Variants in FER observed in about 807,000 individuals in gnomAD.
FER encodes the protein tyrosine-protein kinase Fer.
FER carries 63 observed loss-of-function variants against 111.0 expected under a neutral mutation model. The ratio of observed to expected loss-of-function variants is 0.57; its 90% CI spans 0.46 to 0.70. FER has a LOEUF of 0.70. Ranked by LOEUF, FER falls within the 30% of genes least tolerant of loss-of-function variation. The pLI, the probability that FER is intolerant of heterozygous loss-of-function variation, is 0.00. For missense variants in FER, 914 were observed against 954.0 expected (o/e 0.96, Z 0.55); for synonymous variants, 327 against 313.9 (o/e 1.04, Z -0.44).
At chr5:109,038,959 A>T (rs1418503719) in intron 14 of FER, among the ~76,000 whole-genome samples, 5 of 152,080 alleles carry the variant, frequency 3.3e-5, no homozygotes, top group Admixed American at 6.6e-5. Flanking sequence ...CTCAACGACA[A>T]GTAATATGTC....
intron 2 of FER, among the ~76,000 whole-genome samples, chr5:108,772,436 C>G (rs1753029041): frequency 6.6e-6 from 1 of 150,410 alleles, no homozygotes; most frequent in Non-Finnish European, 1.5e-5. Context: ...TATTTTCAAA[C>G]AGCTGCTTGC....
intron 10 of FER, among the ~76,000 whole-genome samples, chr5:108,908,238 A>G (rs1751055807): frequency 6.6e-6 from 1 of 152,212 alleles, no homozygotes; most frequent in African/African-American, 2.4e-5. Context: ...AAAAAGGAAT[A>G]AAAGATATTT....
At chr5:108,943,922 T>C (rs1295224930) in intron 10 of FER, among the ~76,000 whole-genome samples, 1 of 151,900 alleles carries the variant, frequency 6.6e-6, no homozygotes, top group Non-Finnish European at 1.5e-5. Flanking sequence ...TTTGTAGAGA[T>C]GGGGTCTCAC....
chr5:109,137,180 C>T (rs148591964), intron 17 of FER, among the ~76,000 whole-genome samples: 1 of 152,242 alleles, frequency 6.6e-6, no homozygotes, highest in African/African-American at 2.4e-5. Context: ...AACATCCAAC[C>T]TAGGGTAAGT....
chr5:108,863,373 G>A (rs574119380), intron 5 of FER, among the ~76,000 whole-genome samples: 4 of 152,200 alleles, frequency 2.6e-5, no homozygotes, highest in African/African-American at 9.6e-5. Flanking sequence ...CGCCCGCCTC[G>A]GCCTCTGAAA....
intron 17 of FER, among the ~76,000 whole-genome samples, chr5:109,162,706 A>G (rs534589136): frequency 2.0e-5 from 3 of 152,312 alleles, no homozygotes; most frequent in Admixed American, 2.0e-4. Flanking sequence ...CCACAGTAAC[A>G]TGCCATCCCA....
At chr5:109,045,462 G>T (rs1009871769) in intron 15 of FER, among the ~76,000 whole-genome samples, 16 of 152,160 alleles carry the variant, frequency 1.1e-4, no homozygotes, top group Admixed American at 3.3e-4. Flanking sequence ...CTGTTGATAA[G>T]ATAATAAAGA....
Position 108,832,905 on chromosome 5 carries a change from A to G in FER, c.343A>G (p.Ile115Val), listed in dbSNP as rs759569028. ...CAAGCAGCAGGTGAAGAAAAGTTAC[A>G]TAGGTGTTCATCAGCAGATAGAGGC... ...KDKQQVKKSY[I>V]GVHQQIEAEM... Residue 115 changes from isoleucine (I) to valine (V), a missense_variant, in exon 4 of 20, where the codon ATA (isoleucine) becomes GTA (valine). This residue lies in a region of FER where 774 missense variants were observed against 782.6 expected (regional missense o/e 0.99). Coordinates refer to ENST00000281092, the MANE Select transcript of FER (RefSeq NM_005246.4). The G allele has an allele frequency of 6.2e-7, 1 of 1,603,998 alleles. No homozygotes were observed. The highest frequency in any genetic ancestry group is 8.5e-7 in the Non-Finnish European group (1 of 1,174,752).
At chr5:109,059,975 A>G (rs1206102610) in intron 16 of FER, among the ~76,000 whole-genome samples, 1 of 152,252 alleles carries the variant, frequency 6.6e-6, no homozygotes, top group Non-Finnish European at 1.5e-5. Flanking sequence ...ATATCCATAC[A>G]GTAAATAACT....
At chr5:109,009,043 T>TA (rs1765878976) in intron 13 of FER, among the ~76,000 whole-genome samples, 2 of 137,626 alleles carry the variant, frequency 1.5e-5, no homozygotes, top group Non-Finnish European at 3.2e-5. Flanking sequence ...TCCTCTTCAG[T>TA]CTTTTTTTTT....
At position 108,798,455 on chromosome 5, in the gene FER, C is replaced by T. The variant is rs182412883; in HGVS notation, c.207+66C>T. Reference sequence around the variant, plus strand: ...TAATTGTCCTTAAAATGCAATAGCTCAAACTATTGAATGAGCATACTTAAG... The same window carrying T: ...TAATTGTCCTTAAAATGCAATAGCTTAAACTATTGAATGAGCATACTTAAG... On this transcript the variant is annotated intron_variant, in intron 3 of 19. Coordinates refer to ENST00000281092, the MANE Select transcript of FER (RefSeq NM_005246.4). 83 of 1,211,526 alleles carry T rather than the reference C, an allele frequency of 6.9e-5. No homozygotes were observed. The African/African-American group carries it at 8.8e-4, about 13-fold the overall frequency. 75.0% of individuals were successfully genotyped at this position (1,211,526 alleles called of 1,614,324 possible).
At chr5:108,946,283 C>T in intron 11 of FER, 61 bp downstream of exon 11, 1 of 1,069,418 alleles carries the variant, frequency 9.4e-7, no homozygotes, top group Non-Finnish European at 1.4e-6. Flanking sequence ...CTTTCTGATG[C>T]ACTAATGAAT....
intron 9 of FER, among the ~76,000 whole-genome samples, chr5:108,893,140 T>G (rs1338077541): frequency 3.9e-5 from 6 of 152,180 alleles, no homozygotes; most frequent in Non-Finnish European, 8.8e-5. Context: ...AGGATTGACT[T>G]GGCGATGCAG....
chr5:109,121,150 G>A (rs952342726), intron 17 of FER, among the ~76,000 whole-genome samples: 1 of 152,034 alleles, frequency 6.6e-6, no homozygotes, highest in South Asian at 2.1e-4. Flanking sequence ...ACTAATGAAA[G>A]TGGGCATCCT....
At chr5:109,020,693 C>T (rs59216020) in intron 13 of FER, among the ~76,000 whole-genome samples, 1 of 151,866 alleles carries the variant, frequency 6.6e-6, no homozygotes, top group Non-Finnish European at 1.5e-5. Context: ...ACTTCGCGGC[C>T]GAGCTTTGCC....
intron 8 of FER, among the ~76,000 whole-genome samples, chr5:108,872,909 C>T (rs568118655): frequency 1.3e-5 from 2 of 152,090 alleles, no homozygotes; most frequent in Non-Finnish European, 2.9e-5. Context: ...TATGCCAGAA[C>T]CACAGCTATA....
rs778880098 is a variant in FER at position 108,906,491 on chromosome 5, T to C, written c.1236+8643T>C. Reference sequence around the variant, plus strand: ...TGTCATGTAATTAACTTACGACTTATGCATTACCTTTATAATAGCCCTTTT... The same window carrying C: ...TGTCATGTAATTAACTTACGACTTACGCATTACCTTTATAATAGCCCTTTT... On this transcript the variant is annotated intron_variant, in intron 10 of 19. Transcript: ENST00000281092. Among the ~76,000 whole-genome samples, 4 of 152,100 alleles carry C rather than the reference T, an allele frequency of 2.6e-5. No individual in the cohort carries two copies. In the South Asian group the frequency reaches 6.2e-4, roughly 24 times the overall value.
At chr5:109,103,288 C>T (rs921687441) in intron 17 of FER, among the ~76,000 whole-genome samples, 7 of 152,050 alleles carry the variant, frequency 4.6e-5, no homozygotes, top group African/African-American at 1.4e-4. Context: ...TGTTCACTGA[C>T]GGGAGGTCAC....
chr5:109,171,463 A>G (rs1326733652), intron 17 of FER, among the ~76,000 whole-genome samples: 1 of 152,238 alleles, frequency 6.6e-6, no homozygotes, highest in Non-Finnish European at 1.5e-5. Context: ...GAGTATTGAA[A>G]GAGCATGGGT....
Sources: allele counts gnomAD v4.1 joint callset (sites outside exome capture counted in the v4.1 genomes callset), GRCh38; gene constraint gnomAD v4.1.1; regional missense constraint gnomAD v4.1.1; transcripts MANE v1.5; gene names NCBI Gene and HGNC (gene_info 2026-07-23, HGNC 2026-07-21).